Variants in UPF1 observed in about 807,000 individuals in gnomAD.
The protein encoded by UPF1 is regulator of nonsense transcripts 1.
A neutral mutation model predicts 129.2 loss-of-function variants in UPF1; 9 were observed. The ratio of observed to expected loss-of-function variants is 0.07; its 90% confidence interval spans 0.04 to 0.12. The LOEUF (loss-of-function observed/expected upper bound fraction) is 0.12. UPF1 is among the 10% of genes least tolerant of loss of function. The probability of loss-of-function intolerance (pLI) is 1.00; values close to 1 mark genes in which losing one functional copy is unlikely to be tolerated. For synonymous variants in UPF1, 649 were observed against 644.9 expected, an observed-to-expected ratio of 1.01 and a Z score of -0.10; for missense variants, 788 against 1,525.3, an observed-to-expected ratio of 0.52 and a Z score of 8.05.
At chr19:18,840,232 G>C (rs2055527386) in intron 1 of UPF1, among the ~76,000 whole-genome samples, 1 of 152,162 alleles carries the variant, frequency 6.6e-6, no homozygotes, top group Non-Finnish European at 1.5e-5. Flanking sequence ...GTGTGTACAT[G>C]TGTGTATGCA....
chr19:18,856,547 T>C (rs2055720269), intron 13 of UPF1, among the ~76,000 whole-genome samples: 1 of 152,058 alleles, frequency 6.6e-6, no homozygotes, highest in Non-Finnish European at 1.5e-5. Flanking sequence ...TCTAGAACAC[T>C]CCTGCTCTTT....
At chr19:18,860,229 A>C in intron 15 of UPF1, 92 bp from the exon 16 acceptor site, 1 of 1,324,736 alleles carries the variant, frequency 7.5e-7, no homozygotes, top group South Asian at 1.3e-5. Flanking sequence ...GACCTGCAGC[A>C]CTGTAGCGTA....
At chr19:18,838,560 A>G (rs2055507330) in intron 1 of UPF1, among the ~76,000 whole-genome samples, 1 of 152,212 alleles carries the variant, frequency 6.6e-6, no homozygotes, top group South Asian at 2.1e-4. Context: ...AGGCAGGAGA[A>G]TCGCTTGAAC....
At chr19:18,842,995 A>G (rs989963254) in intron 1 of UPF1, among the ~76,000 whole-genome samples, 1 of 152,140 alleles carries the variant, frequency 6.6e-6, no homozygotes, top group Non-Finnish European at 1.5e-5. Flanking sequence ...CTCAAAAAAA[A>G]AAAAAATTTA....
chr19:18,854,635 C>T lies in UPF1; in HGVS notation c.1191C>T (p.Ser397=), dbSNP rs2055695680. ...ATGAGATCGCCATTGAGCTGCGGAGCAGCGTGGGTGCACCTGTGGAGGTGA... is the reference window on the plus strand; with the variant it reads ...ATGAGATCGCCATTGAGCTGCGGAGTAGCGTGGGTGCACCTGTGGAGGTGA... ...YGDEIAIELR[S]SVGAPVEVTH... Residue 397 remains serine, a synonymous_variant, in exon 9 of 24, where the codon AGC becomes AGT. Coordinates refer to ENST00000262803, the MANE Select transcript of UPF1 (RefSeq NM_002911.4). The T allele has an allele frequency of 1.9e-6, 3 of 1,613,904 alleles. No homozygotes were observed. The highest frequency in any genetic ancestry group is 1.7e-5 in the Admixed American group (1 of 59,998).
intron 15 of UPF1, chr19:18,860,116 C>T (rs1286087433): frequency 1.1e-5 from 7 of 612,944 alleles, no homozygotes; most frequent in South Asian, 2.0e-5. Flanking sequence ...ATGGTGCTCT[C>T]GGTGGCCTCT....
chr19:18,863,059 G>A (rs2055798603), intron 18 of UPF1: 2 of 196,524 alleles, frequency 1.0e-5, no homozygotes, highest in African/African-American at 2.3e-5. Flanking sequence ...TCCCCCCACA[G>A]CTTCGTGAGG....
intron 3 of UPF1, chr19:18,848,172 C>T (rs1827624129): frequency 3.7e-6 from 1 of 273,458 alleles, no homozygotes; most frequent in East Asian, 9.4e-5. Context: ...AACGGGCATC[C>T]AGGGGCGCTG....
At position 18,866,507 on chromosome 19, in the gene UPF1, C is replaced by T. The variant is rs1224202406; in HGVS notation, c.*4-14C>T. On this transcript the variant is annotated splice_polypyrimidine_tract_variant and intron_variant, in intron 23 of 23. Coordinates refer to ENST00000262803, the MANE Select transcript of UPF1 (RefSeq NM_002911.4). ...CAGCCTCTCACCGCCTCCTGCCCTTCTCCCTCCTGACAGGTGGCGGCGGAA... is the reference window on the plus strand; with the variant it reads ...CAGCCTCTCACCGCCTCCTGCCCTTTTCCCTCCTGACAGGTGGCGGCGGAA... 3.1e-5 allele frequency: 8 copies of T among 258,572 alleles called. No individual in the cohort carries two copies. Among genetic ancestry groups the T allele is most frequent in the Admixed American group, 1.1e-4 (2 of 17,954 alleles). The allele number at this position is 258,572 out of a possible 1,614,324, so 16.0% of individuals were successfully genotyped here.
intron 1 of UPF1, among the ~76,000 whole-genome samples, chr19:18,837,618 A>C (rs971034559): frequency 6.6e-6 from 1 of 152,148 alleles, no homozygotes; most frequent in Admixed American, 6.5e-5. Flanking sequence ...GCTCACCTGA[A>C]AGTATGAGGT....
At chr19:18,848,318 G>A in intron 3 of UPF1, 1 of 164,856 alleles carries the variant, frequency 6.1e-6, no homozygotes, top group South Asian at 1.4e-4. Context: ...ATGTTGATCA[G>A]CTGCAGCTGG....
chr19:18,833,564 G>C (rs1305202707), intron 1 of UPF1, among the ~76,000 whole-genome samples: 1 of 150,876 alleles, frequency 6.6e-6, no homozygotes, highest in Non-Finnish European at 1.5e-5. Flanking sequence ...TGGGAGAGGG[G>C]CTGGGGGGGT....
At chr19:18,863,651 A>AC in intron 19 of UPF1, 39 bp downstream of exon 19, 1 of 1,529,770 alleles carries the variant, frequency 6.5e-7, no homozygotes, top group South Asian at 1.1e-5. Context: ...GCACGGAGAA[A>AC]CCCGGGCCCA....
rs1044706684 is a variant in UPF1 at position 18,850,247 on chromosome 19, G to A, written c.629+5G>A. ...AGTGGTGGTGCTGCTGTGCAGGTGA[G>A]TGGTCCCCAGATGTCTCCTGGGGGT... On this transcript the variant is annotated splice_donor_5th_base_variant and intron_variant, in intron 4 of 23. Transcript: ENST00000262803. This position sits in a 1 kb window ranked among gnomAD's most constrained non-coding sequence, Gnocchi z 7.1. 9 of 1,597,322 alleles carry A rather than the reference G, an allele frequency of 5.6e-6. No individual in the cohort carries two copies. The highest frequency in any genetic ancestry group is 4.5e-5 in the East Asian group (2 of 44,634).
chr19:18,847,320 G>A (rs2055611436), intron 2 of UPF1, among the ~76,000 whole-genome samples: 1 of 152,238 alleles, frequency 6.6e-6, no homozygotes, highest in Non-Finnish European at 1.5e-5. Flanking sequence ...GGGCTTCGGG[G>A]CCTGAGCTTC....
chr19:18,852,075 T>C, intron 5 of UPF1, 60 bp from the exon 6 acceptor site: 2 of 1,513,686 alleles, frequency 1.3e-6, no homozygotes, highest in Admixed American at 4.6e-5. Flanking sequence ...CTCTGCGCCC[T>C]CGTTCATTTG....
chr19:18,845,655 A>G (rs1468929901), intron 1 of UPF1, among the ~76,000 whole-genome samples: 1 of 152,132 alleles, frequency 6.6e-6, no homozygotes, highest in Non-Finnish European at 1.5e-5. Context: ...GTCAGTCTGT[A>G]AAAGTCACCC....
At chr19:18,856,332 G>A in intron 13 of UPF1, 32 bp downstream of exon 13, 1 of 1,562,846 alleles carries the variant, frequency 6.4e-7, no homozygotes, top group Non-Finnish European at 8.7e-7. Context: ...AAAAGGGCCT[G>A]TGGGCTGGCG....
At position 18,855,054 on chromosome 19, in the gene UPF1, A is replaced by C; in HGVS notation, c.1425+16A>C. ...CCACTCCCAGGTGCGCGCCGTCCTC[A>C]GCGCGCGGGGCCTCGCCCATGGGCC... On this transcript the variant is annotated intron_variant, in intron 10 of 23. Transcript: ENST00000262803. 6.2e-7 allele frequency: 1 copy of C among 1,613,126 alleles called. No individual in the cohort carries two copies. Among genetic ancestry groups the C allele is most frequent in the Non-Finnish European group, 8.5e-7 (1 of 1,179,532 alleles).
Sources: allele counts gnomAD v4.1 joint callset (sites outside exome capture counted in the v4.1 genomes callset), GRCh38; gene constraint gnomAD v4.1.1; non-coding constraint Gnocchi (gnomAD v3.1); transcripts MANE v1.5; gene names NCBI Gene and HGNC (gene_info 2026-07-23, HGNC 2026-07-21).